The following STX12 variants were observed in gnomAD, a reference collection of about 807,000 sequenced individuals.
STX12 encodes the protein syntaxin-12.
In STX12, 17 loss-of-function variants were observed where a neutral mutation model predicts 42.2. The ratio of observed to expected loss-of-function variants is 0.40; its 90% CI spans 0.28 to 0.60. The LOEUF is 0.60. Ranked by LOEUF, STX12 falls within the 20% of genes least tolerant of loss-of-function variation. The pLI is 0.39. For synonymous variants in STX12, 108 were observed against 116.7 expected (o/e 0.93, Z 0.48); for missense variants, 297 against 330.9 (o/e 0.90, Z 0.79).
chr1:27,809,351 A>C, intron 4 of STX12, among the ~76,000 whole-genome samples: 1 of 151,816 alleles, frequency 6.6e-6, no homozygotes, highest in Non-Finnish European at 1.5e-5. Context: ...AAAAAAGAAA[A>C]GAAAAGAAAG....
intron 7 of STX12, 99 bp downstream of exon 7, chr1:27,818,022 C>G: frequency 2.0e-6 from 2 of 1,010,894 alleles, no homozygotes; most frequent in Non-Finnish European, 3.0e-6. Flanking sequence ...GAAGCACCAT[C>G]TAGGAGTTTG....
intron 3 of STX12, among the ~76,000 whole-genome samples, chr1:27,800,394 T>C (rs2088819144): frequency 6.6e-6 from 1 of 152,160 alleles, no homozygotes; most frequent in Non-Finnish European, 1.5e-5. Flanking sequence ...TACTTGTCTG[T>C]CTATATCCTT....
At chr1:27,798,780 CAAAAAAA>C (rs61253983) in intron 3 of STX12, among the ~76,000 whole-genome samples, 43 of 54,532 alleles carry the variant, frequency 7.9e-4, no homozygotes, top group Non-Finnish European at 1.5e-3. Context: ...GACTCCGTCT[CAAAAAAA>C]AAAAAAAAAA....
chr1:27,810,966 A>G (rs1031730689), intron 5 of STX12, among the ~76,000 whole-genome samples: 39 of 152,032 alleles, frequency 2.6e-4, no homozygotes, highest in African/African-American at 8.9e-4. Context: ...AATAATGGAA[A>G]ATTTCAAAGT....
At chr1:27,820,354 G>T (rs113719417) in intron 8 of STX12, 2 of 152,258 alleles carry the variant, frequency 1.3e-5, no homozygotes, top group African/African-American at 4.8e-5. Flanking sequence ...TTTTGATGGG[G>T]TTGTTTGTTT....
intron 1 of STX12, 26 bp downstream of exon 1, chr1:27,773,451 G>T: frequency 6.2e-7 from 1 of 1,606,774 alleles, no homozygotes; most frequent in African/African-American, 1.3e-5. Flanking sequence ...GAGCTGGGGG[G>T]CGGGAGCTGT....
intron 3 of STX12, 64 bp downstream of exon 3, chr1:27,793,696 T>C: frequency 7.2e-7 from 1 of 1,379,522 alleles, no homozygotes; most frequent in Non-Finnish European, 1.0e-6. Flanking sequence ...AGGCAGTGTG[T>C]AGAACAAAAA....
At chr1:27,776,550 CA>C (rs1415616898) in intron 1 of STX12, among the ~76,000 whole-genome samples, 1 of 150,526 alleles carries the variant, frequency 6.6e-6, no homozygotes, top group Non-Finnish European at 1.5e-5. Flanking sequence ...CCCATCTCTA[CA>C]AAAAAAAAGT....
At chr1:27,774,764 C>T (rs953624702) in intron 1 of STX12, among the ~76,000 whole-genome samples, 3 of 152,182 alleles carry the variant, frequency 2.0e-5, no homozygotes, top group African/African-American at 7.2e-5. Context: ...ACAATCCTAG[C>T]TCACTATAAC....
At chr1:27,788,547 A>G (rs2088714157) in intron 1 of STX12, among the ~76,000 whole-genome samples, 1 of 152,224 alleles carries the variant, frequency 6.6e-6, no homozygotes. Context: ...AAGGCTGAAC[A>G]AAACCATATG....
intron 2 of STX12, among the ~76,000 whole-genome samples, chr1:27,792,782 G>A (rs1163885473): frequency 3.3e-5 from 5 of 152,112 alleles, no homozygotes; most frequent in East Asian, 1.9e-4. Flanking sequence ...TTTCACTGTC[G>A]TCTCAGAAAG....
intron 1 of STX12, 107 bp downstream of exon 1, chr1:27,773,532 G>A: frequency 1.9e-6 from 2 of 1,035,388 alleles, no homozygotes; most frequent in Non-Finnish European, 2.9e-6. Flanking sequence ...GGCCACACCT[G>A]GGGCTGTCTC....
At chr1:27,795,099 A>G (rs2088774712) in intron 3 of STX12, among the ~76,000 whole-genome samples, 1 of 152,112 alleles carries the variant, frequency 6.6e-6, no homozygotes, top group Non-Finnish European at 1.5e-5. Flanking sequence ...AAAGCCTTTC[A>G]ACTTCCCTGT....
chr1:27,811,011 C>T (rs2088899300), intron 5 of STX12, among the ~76,000 whole-genome samples: 2 of 151,816 alleles, frequency 1.3e-5, no homozygotes, highest in South Asian at 4.2e-4. Context: ...ATATGTTTTC[C>T]TTTTAAATGC....
rs41284286 is a variant in STX12 at position 27,773,241 on chromosome 1, G to T, written c.-67G>T. On this transcript the variant is annotated 5_prime_UTR_variant, in exon 1 of 9. Transcript: ENST00000373943. The stretch of plus-strand genomic sequence containing the variant: ...CTTCCCAGTTTCTCCGTCAGCCTGC[G>T]GGTCCCGGCTGGCGGCTGCTTCCGG... 315 of 1,055,826 alleles carry T rather than the reference G, an allele frequency of 3.0e-4. No homozygotes were observed. Among genetic ancestry groups the T allele is most frequent in the Non-Finnish European group, 4.3e-4 (301 of 704,354 alleles). 65.4% of individuals were successfully genotyped at this position (1,055,826 alleles called of 1,614,324 possible).
chr1:27,790,004 C>T (rs542525464), intron 2 of STX12, among the ~76,000 whole-genome samples: 7 of 152,098 alleles, frequency 4.6e-5, no homozygotes, highest in Admixed American at 3.9e-4. Context: ...CAGCTACAGT[C>T]AGCCTTCCAT....
intron 7 of STX12, among the ~76,000 whole-genome samples, chr1:27,819,449 A>C (rs2088968202): frequency 6.6e-6 from 1 of 151,654 alleles, no homozygotes; most frequent in African/African-American, 2.4e-5. Flanking sequence ...GGGTAAGTTA[A>C]ATACTTCATA....
chr1:27,822,122 A>C (rs2088988893), intron 8 of STX12, 109 bp from the exon 9 acceptor site: 1 of 723,270 alleles, frequency 1.4e-6, no homozygotes, highest in African/African-American at 1.7e-5. Flanking sequence ...GCATGGATAG[A>C]GTTAATCTTT....
At position 27,792,157 on chromosome 1, in the gene STX12, T is replaced by TA. The variant is rs1236591989; in HGVS notation, c.189-1376_189-1375insA. Among the ~76,000 whole-genome samples, 755 of 122,758 alleles carry TA rather than the reference T, an allele frequency of 6.2e-3. 112 individuals are homozygous for TA. The highest frequency in any genetic ancestry group is 0.021 in the African/African-American group (539 of 25,170). 80.5% of individuals were successfully genotyped at this position (122,758 alleles called of 152,430 possible). A position where few individuals can be genotyped will look rare whatever the true frequency, so the allele number is the denominator to read the frequency against. On this transcript the variant is annotated intron_variant, in intron 2 of 8. Transcript: ENST00000373943. Reference sequence around the variant, plus strand: ...ATATGTATATATCTATATATGTGTATCTATATATGTATATACATATATATG... The same window carrying TA: ...ATATGTATATATCTATATATGTGTATACTATATATGTATATACATATATATG...
Sources: allele counts gnomAD v4.1 joint callset (sites outside exome capture counted in the v4.1 genomes callset), GRCh38; gene constraint gnomAD v4.1.1; transcripts MANE v1.5; gene names NCBI Gene and HGNC (gene_info 2026-07-23, HGNC 2026-07-21).